ASIC1: variants seen among roughly 807,000 people sequenced by gnomAD.
The protein encoded by ASIC1 is acid-sensing ion channel 1.
In ASIC1, 21 loss-of-function variants were observed where a neutral mutation model predicts 63.4. The ratio of observed to expected loss-of-function variants is 0.33; its 90% CI spans 0.23 to 0.48. The LOEUF is 0.48. Ranked by LOEUF, ASIC1 falls within the 20% of genes least tolerant of loss-of-function variation. The pLI, the probability that ASIC1 is intolerant of heterozygous loss-of-function variation, is 0.99. For missense variants in ASIC1, 478 were observed against 695.5 expected (o/e 0.69, Z 3.52); for synonymous variants, 258 against 278.2 (o/e 0.93, Z 0.72).
At position 50,079,912 on chromosome 12, in the gene ASIC1, G is replaced by A; in HGVS notation, c.1062G>A (p.Val354=). ...CCTGGCTGAGTGCAGACTTCCTGGT[G>A]GAGAAGGACCAGGAGTACTGCGTGT... ...ECADPALDFL[V]EKDQEYCVCE... is the part of the protein sequence containing the mutation. The change falls in exon 8 of 12, where the codon GTG becomes GTA. Residue 354 remains valine, a synonymous_variant. Transcript: ENST00000447966. 1.2e-6 allele frequency: 2 copies of A among 1,607,000 alleles called. No individual in the cohort carries two copies. The highest frequency in any genetic ancestry group is 8.5e-7 in the Non-Finnish European group (1 of 1,176,294).
At position 50,081,700 on chromosome 12, in the gene ASIC1, G is replaced by C. The variant is rs774906413; in HGVS notation, c.*51G>C. The C allele has an allele frequency of 4.4e-6, 7 of 1,574,554 alleles. No individual in the cohort carries two copies. Among genetic ancestry groups the C allele is most frequent in the Non-Finnish European group, 6.1e-6 (7 of 1,156,318 alleles). ...CCTAGATGGGGAGGACTAGGAGAGC[G>C]AGGGGGCCCCCAGCTGCCTCCTCAC... On this transcript the variant is annotated 3_prime_UTR_variant, in exon 12 of 12. Coordinates refer to ENST00000447966, the MANE Select transcript of ASIC1 (RefSeq NM_001095.4).
In ASIC1 at chr12:50,081,700, G is replaced by A. The variant is rs774906413; in HGVS notation, c.*51G>A. ...CCTAGATGGGGAGGACTAGGAGAGC[G>A]AGGGGGCCCCCAGCTGCCTCCTCAC... On this transcript the variant is annotated 3_prime_UTR_variant, in exon 12 of 12. Coordinates refer to ENST00000447966, the MANE Select transcript of ASIC1 (RefSeq NM_001095.4). 1.2e-5 allele frequency: 19 copies of A among 1,574,552 alleles called. No individual in the cohort carries two copies. Among genetic ancestry groups the A allele is most frequent in the East Asian group, 4.6e-5 (2 of 43,178 alleles).
At chr12:50,069,732 A>G (rs1233234976) in intron 3 of ASIC1, among the ~76,000 whole-genome samples, 9 of 151,960 alleles carry the variant, frequency 5.9e-5, no homozygotes, top group Admixed American at 5.9e-4. Flanking sequence ...ATGGTTTGCA[A>G]TTAGATATTT....
At chr12:50,064,481 A>T (rs1040370758) in intron 3 of ASIC1, among the ~76,000 whole-genome samples, 2 of 152,184 alleles carry the variant, frequency 1.3e-5, no homozygotes, top group Non-Finnish European at 2.9e-5. Context: ...TCTCTCAGAC[A>T]GCTATCAGCT....
chr12:50,074,077 G>T lies in ASIC1; in HGVS notation c.559-3136G>T. The T allele has an allele frequency of 2.0e-6, 3 of 1,535,314 alleles. No individual in the cohort carries two copies. The highest frequency in any genetic ancestry group is 2.6e-6 in the Non-Finnish European group (3 of 1,146,410). ...TTTGGCCCCCATGCTGGGACTGGAT[G>T]AAAGTGATGACCCCGGGGTGCCCCT... On this transcript the variant is annotated intron_variant, in intron 3 of 11. Coordinates refer to ENST00000447966, the MANE Select transcript of ASIC1 (RefSeq NM_001095.4). This position sits in a 1 kb window ranked among gnomAD's most constrained non-coding sequence, Gnocchi z 4.2.
chr12:50,077,960 TC>T, intron 4 of ASIC1, 39 bp from the exon 5 acceptor site: 1 of 1,579,192 alleles, frequency 6.3e-7, no homozygotes. Flanking sequence ...TGTTAGGGAG[TC>T]AGGAGCCCTC....
chr12:50,066,945 C>A (rs1310068247), intron 3 of ASIC1, among the ~76,000 whole-genome samples: 1 of 152,172 alleles, frequency 6.6e-6, no homozygotes, highest in Non-Finnish European at 1.5e-5. Flanking sequence ...CTTTCTCCTG[C>A]TAATTCTGTC....
intron 8 of ASIC1, 121 bp downstream of exon 8, chr12:50,080,176 C>G: frequency 7.3e-7 from 1 of 1,377,492 alleles, no homozygotes; most frequent in East Asian, 2.4e-5. Flanking sequence ...GGGGAAGGTC[C>G]AAAAGGCAAG....
chr12:50,077,504 A>G (rs566021681), intron 4 of ASIC1, 141 bp downstream of exon 4: 2 of 1,209,668 alleles, frequency 1.7e-6, no homozygotes, highest in Non-Finnish European at 2.3e-6. Flanking sequence ...TCTATCACTG[A>G]CTCTACCTGA....
At position 50,078,425 on chromosome 12, in the gene ASIC1, T is replaced by C; in HGVS notation, c.842T>C (p.Ile281Thr). The C allele has an allele frequency of 1.2e-6, 2 of 1,613,944 alleles. No individual in the cohort carries two copies. The highest frequency in any genetic ancestry group is 1.6e-4 in the Middle Eastern group (1 of 6,062). The change falls in exon 6 of 12, where the codon ATC (isoleucine) becomes ACC (threonine). Residue 281 changes from isoleucine to threonine, a missense_variant. Around this residue, in one of 3 missense-constraint regions of ASIC1, gnomAD observed 290 missense variants for 414.9 expected, o/e 0.70. Transcript: ENST00000447966. The surrounding 1 kb of genome is among the most constrained non-coding windows in gnomAD (Gnocchi z 6.0). ...TFVACQEQRLIYLPPPWGTCK... is the reference protein window; with the variant it reads ...TFVACQEQRLTYLPPPWGTCK... ...GCTCCCCGGCTCTCCCAGCAGCTCA[T>C]CTACCTGCCCCCACCCTGGGGCACC...
intron 3 of ASIC1, 118 bp downstream of exon 3, chr12:50,060,072 T>C: frequency 8.1e-7 from 1 of 1,238,242 alleles, no homozygotes; most frequent in Non-Finnish European, 1.1e-6. Flanking sequence ...TTGTATGTCC[T>C]GGGGTTTGCT....
chr12:50,077,487 C>T, intron 4 of ASIC1, 124 bp downstream of exon 4: 1 of 1,357,800 alleles, frequency 7.4e-7, no homozygotes, highest in Non-Finnish European at 1.0e-6. Flanking sequence ...TCCAGCATCT[C>T]ACCATCTCTA....
At chr12:50,058,629 A>G in intron 1 of ASIC1, 122 bp from the exon 2 acceptor site, 1 of 1,277,810 alleles carries the variant, frequency 7.8e-7, no homozygotes, top group Non-Finnish European at 1.0e-6. Context: ...AAAGCAGGGA[A>G]GTCTTCTGCC....
chr12:50,065,075 G>A (rs990696524), intron 3 of ASIC1, among the ~76,000 whole-genome samples: 14 of 152,118 alleles, frequency 9.2e-5, no homozygotes, highest in Admixed American at 5.2e-4. Context: ...TCAGCCTCTC[G>A]GAAAATGCCA....
In ASIC1 at chr12:50,077,993, C is replaced by G; in HGVS notation, c.710-7C>G. ...CCTCCCAACCCACACACTCCTCATTCCCCTAGACGAGACGTCCTTCGAAGC... is the reference window on the plus strand; with the variant it reads ...CCTCCCAACCCACACACTCCTCATTGCCCTAGACGAGACGTCCTTCGAAGC... On this transcript the variant is annotated splice_region_variant and splice_polypyrimidine_tract_variant and intron_variant, in intron 4 of 11. Transcript: ENST00000447966. 1 of 1,607,340 alleles carries G rather than the reference C, an allele frequency of 6.2e-7. No individual in the cohort carries two copies. The highest frequency in any genetic ancestry group is 8.5e-7 in the Non-Finnish European group (1 of 1,176,236).
rs1950483482 is a variant in ASIC1 at position 50,059,784 on chromosome 12, G to A, written c.388G>A (p.Ala130Thr). 1 of 1,613,844 alleles carries A rather than the reference G, an allele frequency of 6.2e-7. No homozygotes were observed. Reference protein sequence around the residue: ...NRYEIPDTQMADEKQLEILQD... With the variant: ...NRYEIPDTQMTDEKQLEILQD... ...GTATGAGATACCAGACACACAGATGGCAGATGAAAAGCAGCTGGAGATACT... is the reference window on the plus strand; with the variant it reads ...GTATGAGATACCAGACACACAGATGACAGATGAAAAGCAGCTGGAGATACT... Residue 130 changes from alanine to threonine, a missense_variant, in exon 3 of 12, where the codon GCA becomes ACA. By Grantham distance (58) the Ala-to-Thr change is moderately conservative. Transcript: ENST00000447966. This position sits in a 1 kb window ranked among gnomAD's most constrained non-coding sequence, Gnocchi z 4.6.
rs202163947 is a variant in ASIC1, at chr12:50,081,628, G to A, written c.1566G>A (p.Thr522=). Residue 522 remains threonine, a synonymous_variant, in exon 12 of 12, where the codon ACG becomes ACA. Transcript: ENST00000447966. ...NILPHHPARG[T]FEDFTC ...TACCTCACCATCCGGCCCGAGGCAC[G>A]TTCGAGGACTTTACCTGCTGAGCCC... 1.9e-5 allele frequency: 30 copies of A among 1,614,002 alleles called. No homozygotes were observed. In the African/African-American group the frequency reaches 2.0e-4, roughly 11 times the overall value.
chr12:50,070,579 G>T (rs1005218732), intron 3 of ASIC1, among the ~76,000 whole-genome samples: 2 of 152,178 alleles, frequency 1.3e-5, no homozygotes, highest in Admixed American at 6.5e-5. Context: ...TGTCTTTGCT[G>T]GGGCTCCCAA....
At chr12:50,072,323 C>T (rs1950607488) in intron 3 of ASIC1, among the ~76,000 whole-genome samples, 1 of 152,216 alleles carries the variant, frequency 6.6e-6, no homozygotes, top group Admixed American at 6.5e-5. Context: ...ATACCTCCCT[C>T]CCCCGCTTCC....
Sources: allele counts gnomAD v4.1 joint callset (sites outside exome capture counted in the v4.1 genomes callset), GRCh38; gene constraint gnomAD v4.1.1; regional missense constraint gnomAD v4.1.1; non-coding constraint Gnocchi (gnomAD v3.1); transcripts MANE v1.5; gene names NCBI Gene and HGNC (gene_info 2026-07-23, HGNC 2026-07-21).